ELFN2: variants seen among roughly 807,000 people sequenced by gnomAD.
ELFN2 encodes protein phosphatase 1 regulatory subunit 29.
Under a neutral mutation model 45.5 loss-of-function variants are expected in ELFN2, and 17 were observed. The observed-to-expected ratio is 0.37, with a 90% CI of 0.26 to 0.56. ELFN2 has a LOEUF of 0.56. ELFN2 is among the 20% of genes least tolerant of loss of function. The pLI, the probability that ELFN2 is intolerant of heterozygous loss-of-function variation, is 0.77. For missense variants in ELFN2, 922 were observed against 1,183.2 expected (o/e 0.78, Z 3.24); for synonymous variants, 550 against 551.5 (o/e 1.00, Z 0.04).
At chr22:37,356,119 C>G (rs13055882) in intron 1 of ELFN2, among the ~76,000 whole-genome samples, 1 of 152,062 alleles carries the variant, frequency 6.6e-6, no homozygotes, top group African/African-American at 2.4e-5. Context: ...ATACAAGGGT[C>G]GTTACGGAGG....
chr22:37,359,744 C>A (rs1267617036), intron 1 of ELFN2, among the ~76,000 whole-genome samples: 1 of 152,234 alleles, frequency 6.6e-6, no homozygotes. Flanking sequence ...GACTTGGAGC[C>A]TACCCTAAGA....
intron 1 of ELFN2, among the ~76,000 whole-genome samples, chr22:37,347,976 T>C (rs1265637966): frequency 6.6e-6 from 1 of 152,228 alleles, no homozygotes; most frequent in Non-Finnish European, 1.5e-5. Flanking sequence ...TGATCTCTTG[T>C]GAAGGTGGGA....
downstream of ELFN2, among the ~76,000 whole-genome samples, chr22:37,363,084 G>C (rs547790237): frequency 6.6e-6 from 1 of 152,286 alleles, no homozygotes; most frequent in African/African-American, 2.4e-5. Flanking sequence ...CAGCTCCCTT[G>C]GTGGGTCAGT....
At chr22:37,412,946 C>T (rs963629962) in intron 2 of ELFN2, among the ~76,000 whole-genome samples, 4 of 152,228 alleles carry the variant, frequency 2.6e-5, no homozygotes, top group Admixed American at 1.3e-4. Flanking sequence ...TCCCCTCTCC[C>T]TTCCCTTGAC....
intron 1 of ELFN2, chr22:37,342,790 G>T (rs924632507): frequency 1.3e-5 from 2 of 151,076 alleles, no homozygotes; most frequent in African/African-American, 4.9e-5. Flanking sequence ...GGGGAGCAAG[G>T]TGTGGGTGGG....
intron 2 of ELFN2, among the ~76,000 whole-genome samples, chr22:37,397,711 G>C (rs767262311): frequency 2.0e-5 from 3 of 152,182 alleles, no homozygotes; most frequent in African/African-American, 4.8e-5. Context: ...GCAAGCAGCC[G>C]ACCTGAACCC....
chr22:37,414,416 C>T (rs1434439354), intron 2 of ELFN2, among the ~76,000 whole-genome samples: 4 of 152,120 alleles, frequency 2.6e-5, no homozygotes, highest in Admixed American at 6.5e-5. Context: ...AGGTCAAAGG[C>T]CAGTGAATCA....
At chr22:37,388,840 G>A (rs1419857692) in intron 2 of ELFN2, among the ~76,000 whole-genome samples, 2 of 152,220 alleles carry the variant, frequency 1.3e-5, no homozygotes, top group Non-Finnish European at 2.9e-5. Flanking sequence ...CTCAGGTCTT[G>A]GAGAAAGCCA....
At chr22:37,402,858 C>T (rs1324978559) in intron 2 of ELFN2, among the ~76,000 whole-genome samples, 1 of 152,156 alleles carries the variant, frequency 6.6e-6, no homozygotes, top group Non-Finnish European at 1.5e-5. Flanking sequence ...CATGCCAAGC[C>T]AGGGTGGCAT....
downstream of ELFN2, among the ~76,000 whole-genome samples, chr22:37,367,794 G>C (rs1390818651): frequency 2.0e-5 from 3 of 152,086 alleles, no homozygotes; most frequent in African/African-American, 7.2e-5. Context: ...CCCTCTCTCT[G>C]GCAGACCGCC....
chr22:37,394,395 C>A (rs893664662), intron 2 of ELFN2, among the ~76,000 whole-genome samples: 5 of 152,232 alleles, frequency 3.3e-5, no homozygotes, highest in Non-Finnish European at 1.5e-5. Flanking sequence ...TCAGCCGCTT[C>A]CACAGTTCCC....
At chr22:37,366,467 T>C (rs1411102149), downstream of ELFN2, among the ~76,000 whole-genome samples, 1 of 152,198 alleles carries the variant, frequency 6.6e-6, no homozygotes, top group Non-Finnish European at 1.5e-5. Context: ...CGTTGACCCC[T>C]TTGATCACCT....
intron 2 of ELFN2, among the ~76,000 whole-genome samples, chr22:37,341,886 C>A (rs909075283): frequency 2.6e-5 from 4 of 152,176 alleles, no homozygotes; most frequent in African/African-American, 9.7e-5. Flanking sequence ...TAGGGGAATT[C>A]TCCCCACAGG....
At position 37,373,762 on chromosome 22, in the gene ELFN2, A is replaced by T; in HGVS notation, c.1773T>A (p.Thr591=). The T allele has an allele frequency of 6.3e-7, 1 of 1,582,732 alleles. No individual in the cohort carries two copies. The highest frequency in any genetic ancestry group is 1.4e-5 in the African/African-American group (1 of 73,176). ...LPAAAAASSA[T]GPGALERPSF... is the part of the protein sequence containing the mutation. ...TGGGCCGCTCCAGGGCCCCGGGGCC[A>T]GTGGCTGAGGAGGCGGCAGCAGCTG... Residue 591 remains threonine (T), a synonymous_variant, in exon 3 of 3, where the codon ACT becomes ACA. Coordinates refer to ENST00000402918, the MANE Select transcript of ELFN2 (RefSeq NM_052906.5).
Position 37,372,954 on chromosome 22 carries a change from G to T in ELFN2, c.*118C>A. 1 of 1,206,532 alleles carries T rather than the reference G, an allele frequency of 8.3e-7. No individual in the cohort carries two copies. The highest frequency in any genetic ancestry group is 1.1e-6 in the Non-Finnish European group (1 of 886,564). The allele number at this position is 1,206,532 out of a possible 1,614,324, so 74.7% of individuals were successfully genotyped here. On this transcript the variant is annotated 3_prime_UTR_variant, in exon 3 of 3. Transcript: ENST00000402918. This position sits in a 1 kb window ranked among gnomAD's most constrained non-coding sequence, Gnocchi z 4.4. The stretch of plus-strand genomic sequence containing the variant: ...TGCGTGCGTGCGTGCGGGTCTGCAT[G>T]TGCGTCCTCTCCTGGGCCTTGGCCC...
At position 37,369,627 on chromosome 22, in the gene ELFN2, G is replaced by A. The variant is rs1047567084; in HGVS notation, c.*3445C>T. ...TGGAAGGCCATAAGCTCCAACAGAG[G>A]GTTAGCTGCACCTGCTGTGCCCTCC... On this transcript the variant is annotated 3_prime_UTR_variant, in exon 3 of 3. Transcript: ENST00000402918. 3 of 152,268 alleles carry A rather than the reference G, an allele frequency of 2.0e-5. No homozygotes were observed. Among genetic ancestry groups the A allele is most frequent in the African/African-American group, 7.2e-5 (3 of 41,460 alleles). The allele number at this position is 152,268 out of a possible 1,614,324, so 9.4% of individuals were successfully genotyped here.
chr22:37,355,848 G>A (rs1035328565), intron 1 of ELFN2, among the ~76,000 whole-genome samples: 12 of 152,206 alleles, frequency 7.9e-5, no homozygotes, highest in Non-Finnish European at 1.5e-4. Context: ...AGAACCATAC[G>A]TCTTTTCTTC....
chr22:37,405,836 GTGGA>G (rs1932486103), intron 2 of ELFN2, among the ~76,000 whole-genome samples: 1 of 149,538 alleles, frequency 6.7e-6, no homozygotes. Context: ...AAAAAAAAGG[GTGGA>G]GGGGGGGTGG....
At chr22:37,362,103 G>A (rs1485427440) in intron 1 of ELFN2, among the ~76,000 whole-genome samples, 2 of 152,214 alleles carry the variant, frequency 1.3e-5, no homozygotes, top group Non-Finnish European at 2.9e-5. Flanking sequence ...AGTCAATCCT[G>A]GCATCCCAGG....
Sources: allele counts gnomAD v4.1 joint callset (sites outside exome capture counted in the v4.1 genomes callset), GRCh38; gene constraint gnomAD v4.1.1; non-coding constraint Gnocchi (gnomAD v3.1); transcripts MANE v1.5; gene names NCBI Gene and HGNC (gene_info 2026-07-23, HGNC 2026-07-21).